PVT1: variants seen among roughly 807,000 people sequenced by gnomAD.
PVT1 encodes the protein Pvt1 oncogene, also known as CXCR4/PVT1 fusion.
intron 3 of PVT1, among the ~76,000 whole-genome samples, chr8:127,956,114 C>A (rs1437830922): frequency 1.3e-5 from 2 of 152,224 alleles, no homozygotes; most frequent in African/African-American, 2.4e-5. Flanking sequence ...TATAGTATGT[C>A]ACAATGGAGT....
At chr8:127,870,466 G>A (rs1288715885) in intron 2 of PVT1, among the ~76,000 whole-genome samples, 2 of 152,188 alleles carry the variant, frequency 1.3e-5, no homozygotes, top group African/African-American at 4.8e-5. Context: ...GTAGCAATTT[G>A]TTATGGCTGC....
intron 3 of PVT1, chr8:127,947,271 T>A (rs1403809110): frequency 5.1e-6 from 1 of 194,742 alleles, no homozygotes; most frequent in Non-Finnish European, 1.1e-5. Flanking sequence ...CTTTAATGTC[T>A]GCACTCTTAT....
chr8:127,914,824 T>G (rs991266363), intron 3 of PVT1, among the ~76,000 whole-genome samples: 5 of 151,382 alleles, frequency 3.3e-5, no homozygotes, highest in African/African-American at 1.2e-4. Flanking sequence ...GGTTTTTTTT[T>G]TTTTTTTTTT....
chr8:127,878,241 A>T (rs1193971888), intron 2 of PVT1, among the ~76,000 whole-genome samples: 1 of 151,984 alleles, frequency 6.6e-6, no homozygotes, highest in African/African-American at 2.4e-5. Flanking sequence ...AGTGTTCATG[A>T]CTCTTCTTCG....
intron 3 of PVT1, among the ~76,000 whole-genome samples, chr8:127,927,132 G>A (rs1358851661): frequency 1.3e-5 from 2 of 152,226 alleles, no homozygotes; most frequent in Non-Finnish European, 2.9e-5. Flanking sequence ...CAGGCACTCA[G>A]TTGTGGTGGC....
intron 4 of PVT1, among the ~76,000 whole-genome samples, chr8:128,001,566 T>A (rs1817177446): frequency 6.6e-6 from 1 of 152,156 alleles, no homozygotes; most frequent in African/African-American, 2.4e-5. Context: ...CTGTTTTCCC[T>A]TGTTGACCTT....
chr8:127,813,151 A>T (rs7815347), intron 2 of PVT1, among the ~76,000 whole-genome samples: 67,367 of 146,180 alleles, frequency 0.46, 16,160 homozygotes, highest in African/African-American at 0.58. Flanking sequence ...TCTCAAAAAA[A>T]ATATATGTAT....
intron 4 of PVT1, among the ~76,000 whole-genome samples, chr8:128,016,137 G>A (rs950274007): frequency 3.9e-5 from 6 of 152,066 alleles, no homozygotes; most frequent in Admixed American, 6.6e-5. Context: ...AATTAGCCAC[G>A]TGTGGTGGCA....
intron 2 of PVT1, among the ~76,000 whole-genome samples, chr8:127,878,799 T>C (rs1401723596): frequency 6.6e-6 from 1 of 152,216 alleles, no homozygotes; most frequent in East Asian, 1.9e-4. Context: ...CCCTGGATGC[T>C]GCCCACAGGC....
chr8:127,937,122 C>A (rs890993365), intron 3 of PVT1, among the ~76,000 whole-genome samples: 2 of 152,238 alleles, frequency 1.3e-5, no homozygotes, highest in African/African-American at 4.8e-5. Context: ...CTGGTTCAGT[C>A]CCTTTGCTGT....
At chr8:127,826,945 T>G (rs1814795353) in intron 2 of PVT1, among the ~76,000 whole-genome samples, 1 of 151,498 alleles carries the variant, frequency 6.6e-6, no homozygotes, top group South Asian at 2.1e-4. Flanking sequence ...TGAACTCACG[T>G]GCCCTGGATC....
At chr8:128,065,059 G>C (rs552314779) in intron 4 of PVT1, among the ~76,000 whole-genome samples, 1 of 152,322 alleles carries the variant, frequency 6.6e-6, no homozygotes, top group Non-Finnish European at 1.5e-5. Flanking sequence ...AGGCCTACAG[G>C]GGGAAGGAAT....
intron 2 of PVT1, among the ~76,000 whole-genome samples, chr8:127,866,180 C>T (rs867862314): frequency 1.3e-5 from 2 of 152,174 alleles, no homozygotes; most frequent in African/African-American, 2.4e-5. Flanking sequence ...AGGCCCCAGA[C>T]GACCTACTCC....
intron 2 of PVT1, among the ~76,000 whole-genome samples, chr8:127,871,013 A>T (rs1251135614): frequency 6.6e-6 from 1 of 152,150 alleles, no homozygotes; most frequent in Non-Finnish European, 1.5e-5. Flanking sequence ...GGAAGTTCAG[A>T]GGGTGAAATG....
chr8:127,984,881 CT>C (rs1160406445), intron 3 of PVT1, among the ~76,000 whole-genome samples: 1 of 93,242 alleles, frequency 1.1e-5, no homozygotes, highest in African/African-American at 3.9e-5. Flanking sequence ...TTCTTTCTTT[CT>C]TTCTTTCTTT....
intron 5 of PVT1, chr8:128,082,641 G>A (rs1473615410): frequency 6.6e-6 from 1 of 152,218 alleles, no homozygotes. Flanking sequence ...TGGCAGGCAA[G>A]TTACCCAGTC....
chr8:128,064,260 G>A (rs145900327), intron 4 of PVT1, among the ~76,000 whole-genome samples: 6 of 152,168 alleles, frequency 3.9e-5, no homozygotes, highest in Non-Finnish European at 5.9e-5. Flanking sequence ...ATTGTTTTCC[G>A]GGCCTGGAGG....
At chr8:127,827,478 G>A (rs1814803610) in intron 2 of PVT1, among the ~76,000 whole-genome samples, 1 of 152,174 alleles carries the variant, frequency 6.6e-6, no homozygotes, top group South Asian at 2.1e-4. Flanking sequence ...GCCTGACTGA[G>A]CAGCCCTGAG....
At chr8:128,013,876 A>G (rs903739385) in intron 4 of PVT1, among the ~76,000 whole-genome samples, 2 of 152,184 alleles carry the variant, frequency 1.3e-5, no homozygotes, top group Non-Finnish European at 2.9e-5. Flanking sequence ...ACAAAAAGTT[A>G]TTTTTTTGAC....
Sources: allele counts gnomAD v4.1 joint callset (sites outside exome capture counted in the v4.1 genomes callset), GRCh38; gene constraint gnomAD v4.1.1; transcripts MANE v1.5; gene names NCBI Gene and HGNC (gene_info 2026-07-23, HGNC 2026-07-21).